PARVG: variants seen among roughly 807,000 people sequenced by gnomAD.
PARVG encodes parvin gamma.
In PARVG, 36 loss-of-function variants were observed where a neutral mutation model predicts 44.4. The ratio of observed to expected loss-of-function variants is 0.81; its 90% CI spans 0.62 to 1.07. PARVG has a LOEUF of 1.07. Among genes scored for constraint, PARVG ranks in the 50% least tolerant of loss-of-function variants. PARVG has a pLI of 0.00. For missense variants in PARVG, 407 were observed against 407.4 expected, an observed-to-expected ratio of 1.00 and a Z score of 0.01; for synonymous variants, 170 against 174.1, an observed-to-expected ratio of 0.98 and a Z score of 0.19.
In PARVG at chr22:44,196,381, G is replaced by T. The variant is rs377409471; in HGVS notation, c.677G>T (p.Arg226Leu). 1 of 1,614,204 alleles carries T rather than the reference G, an allele frequency of 6.2e-7. No homozygotes were observed. The highest frequency in any genetic ancestry group is 8.5e-7 in the Non-Finnish European group (1 of 1,180,038). Residue 226 changes from arginine to leucine, a missense_variant, in exon 11 of 14, where the codon CGC (arginine) becomes CTC (leucine). Physicochemically the swap from Arg to Leu is moderately radical, Grantham distance 102 (BLOSUM62 -2). Coordinates refer to ENST00000444313, the MANE Select transcript of PARVG (RefSeq NM_022141.7). ...AACTTTGTCAACCAGAAGCTGGACC[G>T]CCTGGGCCTGTCTGTGCAGAATCTG... ...IVNFVNQKLD[R>L]LGLSVQNLDT... is the part of the protein sequence containing the mutation.
At chr22:44,201,183 AG>A (rs962217971) in intron 12 of PARVG, among the ~76,000 whole-genome samples, 1 of 152,096 alleles carries the variant, frequency 6.6e-6, no homozygotes, top group African/African-American at 2.4e-5. Flanking sequence ...GCTCCTCTGC[AG>A]TCCCTCGGCG....
In PARVG at chr22:44,181,018, T is replaced by C; in HGVS notation, c.-356T>C. Reference sequence around the variant, plus strand: ...CCCTGCTATGCCTTTGCATACGCTGTTTTCTCCACCTGCCACGTTCTCACC... The same window carrying C: ...CCCTGCTATGCCTTTGCATACGCTGCTTTCTCCACCTGCCACGTTCTCACC... On this transcript the variant is annotated 5_prime_UTR_variant, in exon 1 of 14. Coordinates refer to ENST00000444313, the MANE Select transcript of PARVG (RefSeq NM_022141.7). 1 of 978,388 alleles carries C rather than the reference T, an allele frequency of 1.0e-6. No homozygotes were observed. The highest frequency in any genetic ancestry group is 1.2e-6 in the Non-Finnish European group (1 of 823,588). The allele number at this position is 978,388 out of a possible 1,614,324, so 60.6% of individuals were successfully genotyped here. A position where few individuals can be genotyped will look rare whatever the true frequency, so the allele number is the denominator to read the frequency against.
chr22:44,186,015 C>T lies in PARVG; in HGVS notation c.144+143C>T, dbSNP rs113237762. 426 of 587,668 alleles carry T rather than the reference C, an allele frequency of 7.2e-4. 1 individual carries two copies. Among genetic ancestry groups the T allele is most frequent in the African/African-American group, 6.9e-3 (361 of 52,358 alleles). The allele number at this position is 587,668 out of a possible 1,614,324, so 36.4% of individuals were successfully genotyped here. ...GCGACCCCCGAAGACCCCTGGAAGG[C>T]CTGTTGAATGGAGCAAGTCACCCAC... On this transcript the variant is annotated intron_variant, in intron 4 of 13. Transcript: ENST00000444313.
At chr22:44,192,611 C>A (rs954181195) in intron 8 of PARVG, among the ~76,000 whole-genome samples, 6 of 147,944 alleles carry the variant, frequency 4.1e-5, no homozygotes, top group African/African-American at 1.5e-4. Flanking sequence ...CTGTTCCCTG[C>A]CCTCTGGGGA....
intron 7 of PARVG, among the ~76,000 whole-genome samples, chr22:44,191,295 C>T (rs1206095526): frequency 6.6e-6 from 1 of 152,066 alleles, no homozygotes; most frequent in Non-Finnish European, 1.5e-5. Flanking sequence ...CCTCGGGTCC[C>T]TCATGCATAG....
rs758707708 is a variant in PARVG, at chr22:44,187,851, G to A, written c.220G>A (p.Asp74Asn). Residue 74 changes from aspartate to asparagine, a missense_variant, in exon 5 of 14, where the codon GAC (aspartate) becomes AAC (asparagine). By Grantham distance (23) the Asp-to-Asn change is conservative. Coordinates refer to ENST00000444313, the MANE Select transcript of PARVG (RefSeq NM_022141.7). ...CCGCAGCCTGGAGGAGGACATGTTCGACGGGCTCATCCTACACCACCTATT... is the reference window on the plus strand; with the variant it reads ...CCGCAGCCTGGAGGAGGACATGTTCAACGGGCTCATCCTACACCACCTATT... ...VVRSLEEDMF[D>N]GLILHHLFQR... 6.8e-6 allele frequency: 11 copies of A among 1,614,126 alleles called. No homozygotes were observed. Among genetic ancestry groups the A allele is most frequent in the South Asian group, 4.4e-5 (4 of 91,094 alleles).
At chr22:44,176,393 G>T (rs1260992394), upstream of PARVG, among the ~76,000 whole-genome samples, 2 of 152,138 alleles carry the variant, frequency 1.3e-5, no homozygotes, top group African/African-American at 4.8e-5. Context: ...TATGTGTCTG[G>T]TACAGATGCA....
intron 11 of PARVG, 25 bp from the exon 12 acceptor site, chr22:44,198,596 T>G (rs139151): frequency 6.4e-7 from 1 of 1,561,566 alleles, no homozygotes; most frequent in East Asian, 2.2e-5. Flanking sequence ...TTCCATGTGA[T>G]TGTCTCCAGT....
At chr22:44,198,546 A>C in intron 11 of PARVG, 75 bp from the exon 12 acceptor site, 1 of 1,147,662 alleles carries the variant, frequency 8.7e-7, no homozygotes, top group East Asian at 2.3e-5. Context: ...CCTTAGGGCC[A>C]CACAGCCTGT....
intron 1 of PARVG, chr22:44,181,488 G>C (rs1230267349): frequency 1.2e-6 from 1 of 807,830 alleles, no homozygotes; most frequent in Non-Finnish European, 1.5e-6. Flanking sequence ...GGGTGCTGGT[G>C]GTGGGTTGCG....
intron 1 of PARVG, among the ~76,000 whole-genome samples, chr22:44,175,884 G>C (rs1328563373): frequency 6.6e-6 from 1 of 152,206 alleles, no homozygotes; most frequent in Non-Finnish European, 1.5e-5. Context: ...TATTCTTCCA[G>C]TCCCCAGCCC....
At chr22:44,176,766 C>T (rs527497210), upstream of PARVG, among the ~76,000 whole-genome samples, 37 of 151,938 alleles carry the variant, frequency 2.4e-4, no homozygotes, top group Non-Finnish European at 4.9e-4. Context: ...AGAGACATAC[C>T]CAAGACTGGG....
chr22:44,205,660 A>G (rs1333105343), intron 12 of PARVG, 97 bp from the exon 13 acceptor site: 1 of 1,415,864 alleles, frequency 7.1e-7, no homozygotes, highest in African/African-American at 1.4e-5. Context: ...CTCATGATGG[A>G]CATCACAGAC....
chr22:44,196,530 G>A lies in PARVG; in HGVS notation c.711+115G>A, dbSNP rs7287305. The A allele has an allele frequency of 3.2e-3, 3,924 of 1,234,278 alleles. 105 individuals are homozygous for A. In the African/African-American group the frequency reaches 0.054, roughly 17 times the overall value. 76.5% of individuals were successfully genotyped at this position (1,234,278 alleles called of 1,614,324 possible). ...TGTGGTGGGGGTTGCATCACCTCTT[G>A]GAGCCTTAGGGTCCCCCTCCCCGGT... On this transcript the variant is annotated intron_variant, in intron 11 of 13. Transcript: ENST00000444313.
Position 44,193,888 on chromosome 22 carries a change from T to A in PARVG, c.583+65T>A, listed in dbSNP as rs1009363432. On this transcript the variant is annotated intron_variant, in intron 9 of 13. Coordinates refer to ENST00000444313, the MANE Select transcript of PARVG (RefSeq NM_022141.7). ...GATGCGTGTTAATGCAGACAAGTCTTAATGCAGGGTTAATTGCTGAGCATT... is the reference window on the plus strand; with the variant it reads ...GATGCGTGTTAATGCAGACAAGTCTAAATGCAGGGTTAATTGCTGAGCATT... 5.1e-6 allele frequency: 8 copies of A among 1,575,710 alleles called. No homozygotes were observed. In the African/African-American group the frequency reaches 9.5e-5, roughly 19 times the overall value.
chr22:44,190,658 A>C lies in PARVG; in HGVS notation c.496A>C (p.Thr166Pro). ...AACCAACGTCCAGGTGGAGGTCATC[A>C]CTATCGAGGTAGCAGCCTGGGCCCC... is the stretch of plus-strand genomic sequence containing the variant. ...LPTNVQVEVI[T>P]IESTKSGLKS... The change falls in exon 7 of 14, where the codon ACT becomes CCT. Residue 166 changes from threonine to proline, a missense_variant. Thr to Pro is a conservative substitution (Grantham distance 38). Transcript: ENST00000444313. 6.2e-7 allele frequency: 1 copy of C among 1,611,852 alleles called. No homozygotes were observed. Among genetic ancestry groups the C allele is most frequent in the Non-Finnish European group, 8.5e-7 (1 of 1,177,920 alleles).
In PARVG at chr22:44,187,731, G is replaced by A. The variant is rs77969278; in HGVS notation, c.145-45G>A. 203 of 1,588,716 alleles carry A rather than the reference G, an allele frequency of 1.3e-4. No homozygotes were observed. In the East Asian group the frequency reaches 4.5e-3, roughly 35 times the overall value. On this transcript the variant is annotated intron_variant, in intron 4 of 13. Coordinates refer to ENST00000444313, the MANE Select transcript of PARVG (RefSeq NM_022141.7). ...TTCTGAGCCAGGTGGAGGGCCAGGT[G>A]AGAAGTCTCCATCCCCCCAAAAGTT... is the stretch of plus-strand genomic sequence containing the variant.
At chr22:44,180,694 G>A (rs1182169056), upstream of PARVG, among the ~76,000 whole-genome samples, 1 of 152,140 alleles carries the variant, frequency 6.6e-6, no homozygotes, top group Non-Finnish European at 1.5e-5. Flanking sequence ...AATTATGTTT[G>A]TTTCATCACC....
intron 3 of PARVG, 30 bp from the exon 4 acceptor site, chr22:44,185,778 A>G (rs1185911107): frequency 1.9e-6 from 3 of 1,599,170 alleles, no homozygotes; most frequent in African/African-American, 2.7e-5. Context: ...CAGGGTCCCC[A>G]TGCGCTTGTC....
Sources: gnomAD v4.1 joint callset for allele counts (sites outside exome capture counted in the v4.1 genomes callset) on GRCh38, gnomAD v4.1.1 for gene constraint, MANE v1.5 for transcripts, NCBI Gene and HGNC (gene_info 2026-07-23, HGNC 2026-07-21) for gene names.